IQGAP2: variants seen among roughly 807,000 people sequenced by gnomAD.
IQGAP2 encodes the protein ras GTPase-activating-like protein IQGAP2.
A neutral mutation model predicts 201.3 loss-of-function variants in IQGAP2; 173 were observed. The observed-to-expected ratio is 0.86, with a 90% confidence interval of 0.76 to 0.98. The LOEUF (loss-of-function observed/expected upper bound fraction) is 0.98, where lower values mean the gene tolerates loss of function less well. IQGAP2 is among the 50% of genes least tolerant of loss of function. The pLI is 0.00. For synonymous variants in IQGAP2, 675 were observed against 673.9 expected (o/e 1.00, Z -0.03); for missense variants, 1,687 against 1,864.8 (o/e 0.90, Z 1.76).
chr5:76,599,709 C>T (rs1457695377), intron 10 of IQGAP2, among the ~76,000 whole-genome samples: 1 of 151,802 alleles, frequency 6.6e-6, no homozygotes, highest in Non-Finnish European at 1.5e-5. Context: ...TGTGGAGATC[C>T]AGAAAGATAT....
chr5:76,684,547 A>G (rs1162541871), intron 30 of IQGAP2, among the ~76,000 whole-genome samples: 1 of 152,188 alleles, frequency 6.6e-6, no homozygotes, highest in Non-Finnish European at 1.5e-5. Flanking sequence ...ATGATACAAC[A>G]CCATAAATCA....
chr5:76,579,809 G>C (rs1278628903), intron 5 of IQGAP2, among the ~76,000 whole-genome samples: 2 of 152,122 alleles, frequency 1.3e-5, no homozygotes, highest in Non-Finnish European at 2.9e-5. Context: ...GTTAGTGGAT[G>C]TGACCACCAG....
intron 31 of IQGAP2, among the ~76,000 whole-genome samples, chr5:76,695,128 T>C (rs1440770131): frequency 6.6e-6 from 1 of 152,208 alleles, no homozygotes; most frequent in Non-Finnish European, 1.5e-5. Context: ...TTTCCTCAGC[T>C]AGCCTATCCA....
chr5:76,486,384 C>T (rs1756137552), intron 2 of IQGAP2, among the ~76,000 whole-genome samples: 1 of 152,172 alleles, frequency 6.6e-6, no homozygotes. Context: ...TATGTCCCCT[C>T]ATCAAATGAT....
chr5:76,487,321 A>T (rs1756223486), intron 2 of IQGAP2, among the ~76,000 whole-genome samples: 1 of 150,964 alleles, frequency 6.6e-6, no homozygotes. Flanking sequence ...CTGGTCTCAA[A>T]CTCCTGACCT....
At chr5:76,619,280 GAA>G (rs1749351418) in intron 13 of IQGAP2, among the ~76,000 whole-genome samples, 1 of 152,146 alleles carries the variant, frequency 6.6e-6, no homozygotes, top group Admixed American at 6.5e-5. Flanking sequence ...AAAGGAAATT[GAA>G]AGAGTGGGTG....
chr5:76,528,820 C>T (rs1165854427), intron 2 of IQGAP2, among the ~76,000 whole-genome samples: 1 of 152,144 alleles, frequency 6.6e-6, no homozygotes, highest in African/African-American at 2.4e-5. Context: ...TTACTTTCAC[C>T]CCTTCCTCAT....
intron 2 of IQGAP2, among the ~76,000 whole-genome samples, chr5:76,500,457 G>A (rs923000113): frequency 6.6e-6 from 1 of 152,182 alleles, no homozygotes; most frequent in African/African-American, 2.4e-5. Context: ...TTACTCTATA[G>A]AAGTAGTAAG....
At chr5:76,680,837 G>T (rs528255520) in intron 28 of IQGAP2, among the ~76,000 whole-genome samples, 1 of 149,286 alleles carries the variant, frequency 6.7e-6, no homozygotes, top group African/African-American at 2.5e-5. Context: ...AGGTGCAGTG[G>T]CTCACACCTG....
chr5:76,532,745 C>T (rs918044528), intron 2 of IQGAP2, among the ~76,000 whole-genome samples: 8 of 152,156 alleles, frequency 5.3e-5, no homozygotes, highest in African/African-American at 1.2e-4. Flanking sequence ...TCGTTCTTGT[C>T]GGAGGACCAC....
intron 30 of IQGAP2, among the ~76,000 whole-genome samples, chr5:76,688,130 G>C (rs773233722): frequency 2.0e-5 from 3 of 152,164 alleles, no homozygotes; most frequent in Non-Finnish European, 2.9e-5. Context: ...TATAGTTCTT[G>C]AGATTCATTA....
chr5:76,668,636 G>T, intron 22 of IQGAP2, 45 bp from the exon 23 acceptor site: 2 of 1,495,760 alleles, frequency 1.3e-6, no homozygotes, highest in Non-Finnish European at 1.8e-6. Flanking sequence ...TTAACTTATT[G>T]TTTTGTGGGA....
chr5:76,597,038 C>T (rs115744559), intron 9 of IQGAP2: 4 of 177,246 alleles, frequency 2.3e-5, no homozygotes, highest in Non-Finnish European at 4.8e-5. Context: ...GCACAGGGAA[C>T]ATGCCTGCTG....
Position 76,685,621 on chromosome 5 carries a change from G to C in IQGAP2, c.3905+1704G>C, listed in dbSNP as rs541742635. Among the ~76,000 whole-genome samples the C allele has an allele frequency of 2.0e-5, 3 of 152,158 alleles. No homozygotes were observed. In the East Asian group the frequency reaches 5.8e-4, roughly 29 times the overall value. ...GCCTGTCTGGAAGCAATGTGTCTTAGCCTGGGAAACCTGGGACATTGTCCT... is the reference window on the plus strand; with the variant it reads ...GCCTGTCTGGAAGCAATGTGTCTTACCCTGGGAAACCTGGGACATTGTCCT... On this transcript the variant is annotated intron_variant, in intron 30 of 35. Coordinates refer to ENST00000274364, the MANE Select transcript of IQGAP2 (RefSeq NM_006633.5).
intron 17 of IQGAP2, among the ~76,000 whole-genome samples, chr5:76,651,940 TA>T (rs201626868): frequency 6.6e-6 from 1 of 152,112 alleles, no homozygotes; most frequent in African/African-American, 2.4e-5. Context: ...AAGAAGTTTA[TA>T]AAAAAATTTG....
chr5:76,410,722 T>G (rs575651500), intron 1 of IQGAP2, among the ~76,000 whole-genome samples: 3 of 152,172 alleles, frequency 2.0e-5, no homozygotes, highest in Admixed American at 2.0e-4. Flanking sequence ...TTTTCTTCAT[T>G]CTCTCCATTA....
chr5:76,475,049 T>G (rs1255376231), intron 2 of IQGAP2, among the ~76,000 whole-genome samples: 1 of 152,146 alleles, frequency 6.6e-6, no homozygotes, highest in Non-Finnish European at 1.5e-5. Flanking sequence ...AGTACACTAT[T>G]ATGCACACTG....
At chr5:76,649,295 A>G (rs1029933579) in intron 17 of IQGAP2, among the ~76,000 whole-genome samples, 1 of 152,194 alleles carries the variant, frequency 6.6e-6, no homozygotes, top group African/African-American at 2.4e-5. Flanking sequence ...AGGCACCCAG[A>G]CACTTGTAGA....
intron 2 of IQGAP2, among the ~76,000 whole-genome samples, chr5:76,528,864 G>A (rs1759123676): frequency 1.3e-5 from 2 of 152,148 alleles, no homozygotes; most frequent in African/African-American, 2.4e-5. Context: ...GAATTGAAGG[G>A]CTATTCTATA....
Sources: gnomAD v4.1 joint callset for allele counts (sites outside exome capture counted in the v4.1 genomes callset) on GRCh38, gnomAD v4.1.1 for gene constraint, MANE v1.5 for transcripts, NCBI Gene and HGNC (gene_info 2026-07-23, HGNC 2026-07-21) for gene names.